Variants in CSMD2 observed in about 807,000 individuals in gnomAD.
CSMD2 encodes the protein CUB and Sushi multiple domains 2, also known as CUB and sushi domain-containing protein 2.
CSMD2 carries 130 observed loss-of-function variants against 398.5 expected under a neutral mutation model. The ratio of observed to expected loss-of-function variants is 0.33; its 90% CI spans 0.28 to 0.38. The LOEUF is 0.38. Among genes scored for constraint, CSMD2 ranks in the 10% least tolerant of loss-of-function variants. The pLI, the probability that CSMD2 is intolerant of heterozygous loss-of-function variation, is 1.00. For synonymous variants in CSMD2, 1,828 were observed against 1,908.5 expected, an observed-to-expected ratio of 0.96 and a Z score of 1.10; for missense variants, 3,829 against 4,764.9, an observed-to-expected ratio of 0.80 and a Z score of 5.78.
intron 12 of CSMD2, among the ~76,000 whole-genome samples, chr1:33,785,674 C>A (rs1244546011): frequency 6.6e-6 from 1 of 152,198 alleles, no homozygotes; most frequent in Non-Finnish European, 1.5e-5. Flanking sequence ...TCAGAACCCT[C>A]CATCCTGGGC....
intron 64 of CSMD2, among the ~76,000 whole-genome samples, chr1:33,531,631 G>A (rs773420877): frequency 1.3e-5 from 2 of 152,172 alleles, no homozygotes; most frequent in South Asian, 4.1e-4. Context: ...TATGATTCAC[G>A]CATAAGAAGG....
At chr1:33,627,098 C>T (rs529651920) in intron 32 of CSMD2, among the ~76,000 whole-genome samples, 2 of 152,242 alleles carry the variant, frequency 1.3e-5, no homozygotes, top group Non-Finnish European at 2.9e-5. Flanking sequence ...AAATGATTAC[C>T]AGAGCGATGG....
chr1:34,083,345 T>C (rs1445647368), intron 2 of CSMD2, among the ~76,000 whole-genome samples: 1 of 152,214 alleles, frequency 6.6e-6, no homozygotes, highest in African/African-American at 2.4e-5. Flanking sequence ...ACCCTATATA[T>C]CTGTGTTTTA....
chr1:34,103,900 C>A (rs146579830), intron 1 of CSMD2, among the ~76,000 whole-genome samples: 77 of 152,278 alleles, frequency 5.1e-4, no homozygotes, highest in African/African-American at 1.8e-3. Context: ...GAAACAAAAG[C>A]TTTGGGTTCA....
chr1:33,803,130 A>G (rs954963034), intron 10 of CSMD2, among the ~76,000 whole-genome samples: 2 of 149,524 alleles, frequency 1.3e-5, no homozygotes, highest in African/African-American at 4.9e-5. Flanking sequence ...CTAGTTGGAA[A>G]CTCTTCCTGT....
intron 49 of CSMD2, among the ~76,000 whole-genome samples, chr1:33,575,619 A>C (rs1360558179): frequency 6.6e-6 from 1 of 152,114 alleles, no homozygotes; most frequent in Non-Finnish European, 1.5e-5. Context: ...AGTCTGGTGG[A>C]GGCTTAATTT....
intron 6 of CSMD2, among the ~76,000 whole-genome samples, chr1:33,830,539 G>C (rs1217702999): frequency 6.6e-6 from 1 of 152,112 alleles, no homozygotes; most frequent in Non-Finnish European, 1.5e-5. Flanking sequence ...ACCAAAAGTA[G>C]ATAAAACCAC....
At chr1:33,811,576 CT>C in intron 9 of CSMD2, among the ~76,000 whole-genome samples, 1 of 152,286 alleles carries the variant, frequency 6.6e-6, no homozygotes, top group Non-Finnish European at 1.5e-5. Context: ...CTGAAACTGG[CT>C]TTTGACTGGA....
intron 2 of CSMD2, among the ~76,000 whole-genome samples, chr1:34,084,266 C>G (rs1243859660): frequency 2.0e-5 from 3 of 152,182 alleles, no homozygotes; most frequent in African/African-American, 7.2e-5. Context: ...CCCTTCCATG[C>G]TAGAACACAG....
chr1:34,128,741 A>C (rs1404414713), intron 1 of CSMD2, among the ~76,000 whole-genome samples: 4 of 152,146 alleles, frequency 2.6e-5, no homozygotes, highest in Non-Finnish European at 5.9e-5. Context: ...TTCCCAGGAA[A>C]GCCACTCCAC....
In CSMD2 at chr1:33,952,947, T is replaced by A. The variant is rs1011823300; in HGVS notation, c.518-16993A>T. On this transcript the variant is annotated intron_variant, in intron 3 of 70. Transcript: ENST00000373381. ...CTGAACTCACGTCACAGGGCTTCTG[T>A]TCCTTAAACATTCCGTAAGGCATTG... is the stretch of plus-strand genomic sequence containing the variant. Among the ~76,000 whole-genome samples the A allele has an allele frequency of 5.3e-5, 8 of 152,350 alleles. No individual in the cohort carries two copies. The South Asian group carries it at 1.5e-3, about 28-fold the overall frequency.
chr1:33,785,700 ATGGAGG>A (rs1365332457), intron 12 of CSMD2, among the ~76,000 whole-genome samples: 5 of 152,168 alleles, frequency 3.3e-5, no homozygotes, highest in African/African-American at 7.2e-5. Context: ...CTATCCTACC[ATGGAGG>A]TCCCTGGAGG....
intron 25 of CSMD2, among the ~76,000 whole-genome samples, chr1:33,663,974 A>G (rs1044577903): frequency 3.3e-5 from 5 of 152,220 alleles, no homozygotes; most frequent in African/African-American, 9.6e-5. Flanking sequence ...CAATGTTGGC[A>G]TACTTACTAT....
At chr1:34,134,959 G>A (rs1412660466) in intron 1 of CSMD2, among the ~76,000 whole-genome samples, 7 of 152,042 alleles carry the variant, frequency 4.6e-5, no homozygotes, top group African/African-American at 7.2e-5. Flanking sequence ...CAGCATCACC[G>A]GAGAACTTGT....
At chr1:33,669,500 C>T (rs572915120) in intron 25 of CSMD2, among the ~76,000 whole-genome samples, 7 of 152,158 alleles carry the variant, frequency 4.6e-5, no homozygotes, top group African/African-American at 1.7e-4. Flanking sequence ...ACACCAAGTC[C>T]CCCCTGGGCT....
intron 5 of CSMD2, among the ~76,000 whole-genome samples, chr1:33,879,608 A>G (rs1055279174): frequency 6.6e-6 from 1 of 152,168 alleles, no homozygotes; most frequent in African/African-American, 2.4e-5. Context: ...TTTGTCTTAC[A>G]ATATTGGGTG....
chr1:34,047,588 A>G (rs1362743109), intron 2 of CSMD2, among the ~76,000 whole-genome samples: 1 of 152,110 alleles, frequency 6.6e-6, no homozygotes, highest in East Asian at 1.9e-4. Context: ...CACTTAGTTC[A>G]CTTATCTAAC....
At chr1:33,854,943 T>C (rs1277683273) in intron 5 of CSMD2, among the ~76,000 whole-genome samples, 4 of 152,136 alleles carry the variant, frequency 2.6e-5, no homozygotes, top group Non-Finnish European at 5.9e-5. Context: ...GGTGGCTTGG[T>C]GTGTCAGTTT....
At chr1:34,042,774 T>TGG (rs972247827) in intron 2 of CSMD2, among the ~76,000 whole-genome samples, 1 of 152,098 alleles carries the variant, frequency 6.6e-6, no homozygotes, top group African/African-American at 2.4e-5. Context: ...CTTTGGTCTT[T>TGG]CCCCCTCTAC....
Sources: allele counts gnomAD v4.1 joint callset (sites outside exome capture counted in the v4.1 genomes callset), GRCh38; gene constraint gnomAD v4.1.1; transcripts MANE v1.5; gene names NCBI Gene and HGNC (gene_info 2026-07-23, HGNC 2026-07-21).